The following KIZ variants were observed in gnomAD, a reference collection of about 807,000 sequenced individuals.
KIZ encodes kizuna centrosomal protein, also known as centrosomal protein kizuna.
Under a neutral mutation model 79.6 loss-of-function variants are expected in KIZ, and 68 were observed. That is an observed-to-expected ratio of 0.85 (90% CI 0.70 to 1.05). The LOEUF is 1.05. Ranked by LOEUF, KIZ falls within the 50% of genes least tolerant of loss-of-function variation. The pLI, the probability that KIZ is intolerant of heterozygous loss-of-function variation, is 0.00. For missense variants in KIZ, 797 were observed against 800.4 expected (o/e 1.00, Z 0.05); for synonymous variants, 280 against 281.8 (o/e 0.99, Z 0.06).
At chr20:21,220,828 C>T (rs934041443) in intron 9 of KIZ, among the ~76,000 whole-genome samples, 10 of 152,156 alleles carry the variant, frequency 6.6e-5, no homozygotes, top group African/African-American at 9.7e-5. Flanking sequence ...TCAGGATGTC[C>T]GGATCAATTA....
intron 10 of KIZ, among the ~76,000 whole-genome samples, chr20:21,231,476 T>G (rs1412956962): frequency 6.6e-6 from 1 of 152,214 alleles, no homozygotes; most frequent in Non-Finnish European, 1.5e-5. Context: ...CACTCTAGGT[T>G]GTGTAGTCAA....
intron 9 of KIZ, among the ~76,000 whole-genome samples, chr20:21,219,453 G>A (rs1196874776): frequency 6.6e-6 from 1 of 152,050 alleles, no homozygotes; most frequent in Non-Finnish European, 1.5e-5. Flanking sequence ...AAGTAGCTGG[G>A]ACTACAGGCA....
At chr20:21,218,819 C>T (rs1213871638) in intron 9 of KIZ, among the ~76,000 whole-genome samples, 2 of 152,100 alleles carry the variant, frequency 1.3e-5, no homozygotes, top group African/African-American at 2.4e-5. Flanking sequence ...CTCCCTTGTG[C>T]GTGAGATTGC....
At chr20:21,202,391 T>C (rs1281521652) in intron 6 of KIZ, 1 of 152,184 alleles carries the variant, frequency 6.6e-6, no homozygotes, top group Non-Finnish European at 1.5e-5. Flanking sequence ...AAACCAAATA[T>C]AGATGCAAAG....
At chr20:21,141,823 ACTCTCTCT>A (rs1229173337) in intron 3 of KIZ, among the ~76,000 whole-genome samples, 197 of 104,058 alleles carry the variant, frequency 1.9e-3, no homozygotes, top group African/African-American at 6.7e-3. Flanking sequence ...ACACACACAC[ACTCTCTCT>A]CTCTCTCTCT....
At chr20:21,230,847 G>A (rs1321959763) in intron 10 of KIZ, among the ~76,000 whole-genome samples, 1 of 152,186 alleles carries the variant, frequency 6.6e-6, no homozygotes, top group Non-Finnish European at 1.5e-5. Context: ...TTTGAGTCAT[G>A]GAATTTGAAT....
At position 21,165,953 on chromosome 20, in the gene KIZ, G is replaced by A. The variant is rs575298648; in HGVS notation, c.1352+2794G>A. ...TGGGACTACAGGTGCCCGCCATCAG[G>A]CCTGGCTAATTTTGTTTTTGTTTTT... is the stretch of plus-strand genomic sequence containing the variant. On this transcript the variant is annotated intron_variant, in intron 6 of 12. Transcript: ENST00000619189. Among the ~76,000 whole-genome samples the A allele has an allele frequency of 6.6e-5, 10 of 152,066 alleles. No homozygotes were observed. In the East Asian group the frequency reaches 1.9e-3, roughly 29 times the overall value.
At chr20:21,146,364 A>T (rs1600381607) in intron 4 of KIZ, among the ~76,000 whole-genome samples, 1 of 152,240 alleles carries the variant, frequency 6.6e-6, no homozygotes, top group African/African-American at 2.4e-5. Context: ...TCCATTATTC[A>T]GAAAAGCCAA....
Position 21,146,769 on chromosome 20 carries a change from T to C in KIZ, c.405+1115T>C, listed in dbSNP as rs75398757. 1.2e-4 allele frequency among the ~76,000 whole-genome samples: 19 copies of C among 152,254 alleles called. No individual in the cohort carries two copies. In the East Asian group the frequency reaches 3.1e-3, roughly 25 times the overall value. Reference sequence around the variant, plus strand: ...TTTAGTTTTTCTTTCTTCCGTGCATTAGCAGGCATTAATCTGAGTTTATAG... The same window carrying C: ...TTTAGTTTTTCTTTCTTCCGTGCATCAGCAGGCATTAATCTGAGTTTATAG... On this transcript the variant is annotated intron_variant, in intron 4 of 12. Coordinates refer to ENST00000619189, the MANE Select transcript of KIZ (RefSeq NM_018474.6).
intron 6 of KIZ, among the ~76,000 whole-genome samples, chr20:21,201,248 G>T (rs2035586781): frequency 6.6e-6 from 1 of 152,074 alleles, no homozygotes; most frequent in Admixed American, 6.5e-5. Flanking sequence ...TATTGTTTTT[G>T]ACAACTATGA....
Position 21,232,770 on chromosome 20 carries a change from C to A in KIZ, c.1820C>A (p.Thr607Lys). 1 of 1,595,166 alleles carries A rather than the reference C, an allele frequency of 6.3e-7. No individual in the cohort carries two copies. The highest frequency in any genetic ancestry group is 8.6e-7 in the Non-Finnish European group (1 of 1,168,198). ...NIGSGAFETK[T>K]ANKIASEASF... ...GGCAGCGGTGCATTCGAGACAAAGA[C>A]AGCTAACAAAATTGCTTCGGAAGCT... The change falls in exon 11 of 13, where the codon ACA becomes AAA. Residue 607 changes from threonine to lysine, a missense_variant. Coordinates refer to ENST00000619189, the MANE Select transcript of KIZ (RefSeq NM_018474.6).
At chr20:21,154,046 A>G (rs781680534) in intron 4 of KIZ, 6 of 152,180 alleles carry the variant, frequency 3.9e-5, no homozygotes, top group Non-Finnish European at 8.8e-5. Flanking sequence ...ATTATTGTTA[A>G]TGGATTTTTA....
chr20:21,152,556 T>TA (rs1202851892), intron 4 of KIZ, among the ~76,000 whole-genome samples: 2 of 152,196 alleles, frequency 1.3e-5, no homozygotes, highest in African/African-American at 2.4e-5. Flanking sequence ...GTGGAGCATA[T>TA]ACAGGGGATA....
At chr20:21,195,291 G>A (rs1197854882) in intron 6 of KIZ, 1 of 152,282 alleles carries the variant, frequency 6.6e-6, no homozygotes, top group Non-Finnish European at 1.5e-5. Flanking sequence ...CATGGTGGTA[G>A]TGAGGGGATG....
intron 4 of KIZ, among the ~76,000 whole-genome samples, chr20:21,149,995 AGT>A (rs1057044891): frequency 2.0e-5 from 3 of 152,278 alleles, no homozygotes; most frequent in East Asian, 1.9e-4. Flanking sequence ...GGGCTGTAAG[AGT>A]GTGTGATTGA....
chr20:21,200,062 C>T (rs1382250636), intron 6 of KIZ, among the ~76,000 whole-genome samples: 1 of 152,186 alleles, frequency 6.6e-6, no homozygotes, highest in Non-Finnish European at 1.5e-5. Context: ...CTCAAGTGAT[C>T]TGCCCACCTC....
chr20:21,235,298 G>A (rs1051092704), intron 11 of KIZ, among the ~76,000 whole-genome samples: 2 of 152,174 alleles, frequency 1.3e-5, no homozygotes, highest in Admixed American at 6.5e-5. Context: ...TGCATGAGCC[G>A]TAATAGAATC....
chr20:21,138,273 A>G (rs1469286250), intron 3 of KIZ, among the ~76,000 whole-genome samples: 1 of 152,012 alleles, frequency 6.6e-6, no homozygotes, highest in Non-Finnish European at 1.5e-5. Context: ...ATTTTGAAAA[A>G]GGCAGTCCAT....
intron 9 of KIZ, among the ~76,000 whole-genome samples, chr20:21,226,890 C>T (rs2036672924): frequency 6.6e-6 from 1 of 152,106 alleles, no homozygotes; most frequent in Non-Finnish European, 1.5e-5. Flanking sequence ...GATGAAACAC[C>T]AGTGAGGTGA....
Sources: allele counts gnomAD v4.1 joint callset (sites outside exome capture counted in the v4.1 genomes callset), GRCh38; gene constraint gnomAD v4.1.1; transcripts MANE v1.5; gene names NCBI Gene and HGNC (gene_info 2026-07-23, HGNC 2026-07-21).